Variants in TMEM132D observed in about 807,000 individuals in gnomAD.
The protein encoded by TMEM132D is mature OL transmembrane protein.
TMEM132D carries 21 observed loss-of-function variants against 62.3 expected under a neutral mutation model. The ratio of observed to expected loss-of-function variants is 0.34; its 90% CI spans 0.24 to 0.49. TMEM132D has a LOEUF of 0.49. Among genes scored for constraint, TMEM132D ranks in the 20% least tolerant of loss-of-function variants. The pLI, the probability that TMEM132D is intolerant of heterozygous loss-of-function variation, is 0.99. For missense variants in TMEM132D, 1,346 were observed against 1,402.8 expected, an observed-to-expected ratio of 0.96 and a Z score of 0.65; for synonymous variants, 621 against 575.6, an observed-to-expected ratio of 1.08 and a Z score of -1.13.
chr12:129,227,485 G>A (rs551262672), intron 4 of TMEM132D, among the ~76,000 whole-genome samples: 2 of 149,520 alleles, frequency 1.3e-5, no homozygotes, highest in East Asian at 3.9e-4. Flanking sequence ...ACATGAATGA[G>A]TTTAAGACCT....
intron 3 of TMEM132D, among the ~76,000 whole-genome samples, chr12:129,345,091 T>A (rs1287311849): frequency 6.6e-6 from 1 of 152,196 alleles, no homozygotes; most frequent in African/African-American, 2.4e-5. Context: ...TCATCCACTA[T>A]TGCCCAGAAC....
At chr12:129,612,489 C>A (rs1211789458) in intron 2 of TMEM132D, among the ~76,000 whole-genome samples, 2 of 152,180 alleles carry the variant, frequency 1.3e-5, no homozygotes, top group Non-Finnish European at 2.9e-5. Flanking sequence ...CTAATGATTT[C>A]TTCGACAGGG....
intron 1 of TMEM132D, among the ~76,000 whole-genome samples, chr12:129,762,402 T>C (rs570888120): frequency 2.0e-5 from 3 of 152,198 alleles, no homozygotes; most frequent in African/African-American, 7.2e-5. Flanking sequence ...TTTTTTTAAA[T>C]CCCAGAACAA....
intron 5 of TMEM132D, among the ~76,000 whole-genome samples, chr12:129,108,546 C>A (rs1442544373): frequency 6.6e-6 from 1 of 152,106 alleles, no homozygotes; most frequent in Non-Finnish European, 1.5e-5. Flanking sequence ...TCAGGTGAAT[C>A]CTCCCCAAAG....
At chr12:129,483,331 T>G (rs1479413979) in intron 3 of TMEM132D, among the ~76,000 whole-genome samples, 2 of 152,118 alleles carry the variant, frequency 1.3e-5, no homozygotes, top group African/African-American at 4.8e-5. Context: ...TTGGGCCCCA[T>G]CCCAGAAATT....
chr12:129,437,771 G>A (rs1213456509), intron 3 of TMEM132D, among the ~76,000 whole-genome samples: 3 of 151,432 alleles, frequency 2.0e-5, no homozygotes, highest in Non-Finnish European at 2.9e-5. Flanking sequence ...TTAAGTTCTG[G>A]GATACATGTG....
chr12:129,120,926 A>G (rs1170350636), intron 5 of TMEM132D, among the ~76,000 whole-genome samples: 1 of 152,058 alleles, frequency 6.6e-6, no homozygotes, highest in Non-Finnish European at 1.5e-5. Context: ...ATGCTGATAA[A>G]AAACAATAAG....
intron 1 of TMEM132D, among the ~76,000 whole-genome samples, chr12:129,718,900 T>C (rs1202815065): frequency 2.0e-5 from 3 of 152,086 alleles, no homozygotes; most frequent in Admixed American, 6.5e-5. Context: ...TAGTATATTA[T>C]TAATACTAAT....
At chr12:129,194,659 C>T (rs778748070) in intron 5 of TMEM132D, among the ~76,000 whole-genome samples, 2 of 152,210 alleles carry the variant, frequency 1.3e-5, no homozygotes, top group Non-Finnish European at 2.9e-5. Flanking sequence ...GCTCTTGAAA[C>T]TTCTGCTTAT....
intron 4 of TMEM132D, among the ~76,000 whole-genome samples, chr12:129,326,976 G>A (rs959782771): frequency 5.9e-5 from 9 of 152,184 alleles, no homozygotes; most frequent in African/African-American, 1.7e-4. Context: ...CTATGCAGAA[G>A]GGAGTGAATG....
chr12:129,494,111 T>C (rs1258242324), intron 3 of TMEM132D, among the ~76,000 whole-genome samples: 1 of 152,152 alleles, frequency 6.6e-6, no homozygotes, highest in Non-Finnish European at 1.5e-5. Context: ...CTCACATTCC[T>C]GGGGAGTGGA....
chr12:129,558,203 C>T (rs1311908524), intron 2 of TMEM132D, among the ~76,000 whole-genome samples: 2 of 152,166 alleles, frequency 1.3e-5, no homozygotes, highest in African/African-American at 4.8e-5. Context: ...CTACACATTG[C>T]TTTGGAATTT....
intron 3 of TMEM132D, among the ~76,000 whole-genome samples, chr12:129,525,847 GT>G (rs1876018036): frequency 6.6e-6 from 1 of 152,138 alleles, no homozygotes; most frequent in Non-Finnish European, 1.5e-5. Flanking sequence ...TACAACTGTG[GT>G]AATCCATAGT....
intron 5 of TMEM132D, among the ~76,000 whole-genome samples, chr12:129,155,203 C>A (rs970146584): frequency 6.6e-6 from 1 of 152,224 alleles, no homozygotes; most frequent in Non-Finnish European, 1.5e-5. Context: ...TACCATATTG[C>A]ACTTTCTCTG....
At position 129,280,795 on chromosome 12, in the gene TMEM132D, T is replaced by C. The variant is rs118020756; in HGVS notation, c.1299+56839A>G. Among the ~76,000 whole-genome samples the C allele has an allele frequency of 9.0e-3, 1,364 of 152,028 alleles. 38 individuals are homozygous for C. The highest frequency in any genetic ancestry group is 0.057 in the Admixed American group (866 of 15,284). On this transcript the variant is annotated intron_variant, in intron 4 of 8. Transcript: ENST00000422113. ...CTATTCATCCACCCATTTATTCATC[T>C]ATCTATCTTCTATTATCTGTCATAT... is the stretch of plus-strand genomic sequence containing the variant.
Position 129,700,024 on chromosome 12 carries a change from T to C in TMEM132D, c.754A>G (p.Thr252Ala), listed in dbSNP as rs375376759. The part of the protein sequence containing the change: ...EDARRSNGIR[T>A]GHSDIDESGP... ...GACTCATCGATGTCACTGTGGCCTG[T>C]CCGGATCCCATTGCTTCTCCTCGCG... Residue 252 changes from threonine (T) to alanine (A), a missense_variant, in exon 2 of 9, where the codon ACA (threonine) becomes GCA (alanine). By Grantham distance (58) the Thr-to-Ala change is moderately conservative. Transcript: ENST00000422113. 1 of 1,613,882 alleles carries C rather than the reference T, an allele frequency of 6.2e-7. No individual in the cohort carries two copies. The highest frequency in any genetic ancestry group is 8.5e-7 in the Non-Finnish European group (1 of 1,180,048).
intron 5 of TMEM132D, among the ~76,000 whole-genome samples, chr12:129,198,103 T>A (rs1448442258): frequency 6.6e-6 from 1 of 152,162 alleles, no homozygotes; most frequent in Non-Finnish European, 1.5e-5. Context: ...ACCTCACATC[T>A]GTCAGAATGG....
chr12:129,251,127 G>A (rs944281147), intron 4 of TMEM132D, among the ~76,000 whole-genome samples: 1 of 152,078 alleles, frequency 6.6e-6, no homozygotes, highest in Non-Finnish European at 1.5e-5. Context: ...GGAGGCTGAG[G>A]TGGGTGGGTT....
At chr12:129,254,894 T>C (rs1470482171) in intron 4 of TMEM132D, among the ~76,000 whole-genome samples, 1 of 152,166 alleles carries the variant, frequency 6.6e-6, no homozygotes, top group Non-Finnish European at 1.5e-5. Flanking sequence ...ATGATTTGGA[T>C]CTGTGTCCCC....
Sources: allele counts gnomAD v4.1 joint callset (sites outside exome capture counted in the v4.1 genomes callset), GRCh38; gene constraint gnomAD v4.1.1; transcripts MANE v1.5; gene names NCBI Gene and HGNC (gene_info 2026-07-23, HGNC 2026-07-21).